GUCY1A2: variants seen among roughly 807,000 people sequenced by gnomAD.
GUCY1A2 encodes guanylate cyclase soluble subunit alpha-2.
In GUCY1A2, 27 loss-of-function variants were observed where a neutral mutation model predicts 63.5. That is an observed-to-expected ratio of 0.43 (90% confidence interval 0.31 to 0.59). The LOEUF (loss-of-function observed/expected upper bound fraction) is 0.59. GUCY1A2 is among the 20% of genes least tolerant of loss of function. The pLI is 0.11. For missense variants in GUCY1A2, 768 were observed against 913.3 expected (o/e 0.84, Z 2.05); for synonymous variants, 364 against 343.5 (o/e 1.06, Z -0.66).
rs905795918 is a variant in GUCY1A2, at chr11:107,008,080, C to T, written c.303+9673G>A. On this transcript the variant is annotated intron_variant, in intron 1 of 7. Transcript: ENST00000526355. Reference sequence around the variant, plus strand: ...GGCAGATCACCTGGGGTCAGGAGTTCGACACCAGGCCCAGCCAATATGGCG... The same window carrying T: ...GGCAGATCACCTGGGGTCAGGAGTTTGACACCAGGCCCAGCCAATATGGCG... Among the ~76,000 whole-genome samples, 96 of 146,900 alleles carry T rather than the reference C, an allele frequency of 6.5e-4. 4 individuals carry two copies. Among genetic ancestry groups the T allele is most frequent in the Non-Finnish European group, 4.0e-4 (27 of 67,988 alleles).
chr11:106,883,231 G>C lies in GUCY1A2; in HGVS notation c.1206+56229C>G, dbSNP rs115096292. On this transcript the variant is annotated intron_variant, in intron 4 of 7. Coordinates refer to ENST00000526355, the MANE Select transcript of GUCY1A2 (RefSeq NM_000855.3). Reference sequence around the variant, plus strand: ...AGCCTACATCCCAACCTGAAAACCTGATGATTTGACATTGATCTCTCATTT... The same window carrying C: ...AGCCTACATCCCAACCTGAAAACCTCATGATTTGACATTGATCTCTCATTT... Among the ~76,000 whole-genome samples the C allele has an allele frequency of 8.9e-3, 1,347 of 152,104 alleles. 18 individuals are homozygous for C. The highest frequency in any genetic ancestry group is 0.031 in the African/African-American group (1,286 of 41,492).
chr11:106,853,907 G>A (rs1859390532), intron 4 of GUCY1A2, among the ~76,000 whole-genome samples: 1 of 152,112 alleles, frequency 6.6e-6, no homozygotes, highest in Admixed American at 6.5e-5. Context: ...TTCTTTGGCT[G>A]TAATAAATGT....
At chr11:106,802,599 A>T (rs2135419742) in intron 5 of GUCY1A2, among the ~76,000 whole-genome samples, 1 of 152,220 alleles carries the variant, frequency 6.6e-6, no homozygotes, top group South Asian at 2.1e-4. Flanking sequence ...AACACCATAG[A>T]CTGGGTGGCT....
chr11:106,895,798 A>G (rs1035235188), intron 4 of GUCY1A2, among the ~76,000 whole-genome samples: 1 of 152,138 alleles, frequency 6.6e-6, no homozygotes, highest in Admixed American at 6.6e-5. Context: ...AGACATTACA[A>G]GAAAAGAAAA....
rs188490805 is a variant in GUCY1A2, at chr11:106,746,586, G to T, written c.1836+29853C>A. On this transcript the variant is annotated intron_variant, in intron 6 of 7. Transcript: ENST00000526355. ...CCCAAATCCGTTTCACTTTGATGCT[G>T]ATCTGGAACCAGCTGGATGGAAACA... is the stretch of plus-strand genomic sequence containing the variant. The T allele has an allele frequency of 1.6e-5, 26 of 1,596,594 alleles. No homozygotes were observed. In the East Asian group the frequency reaches 3.3e-4, roughly 21 times the overall value.
chr11:106,914,340 T>C (rs957498134), intron 4 of GUCY1A2, among the ~76,000 whole-genome samples: 3 of 152,140 alleles, frequency 2.0e-5, no homozygotes, highest in Non-Finnish European at 4.4e-5. Context: ...AAAGTGACCC[T>C]ACTTTATAAG....
rs895789173 is a variant in GUCY1A2, at chr11:106,919,764, G to A, written c.1206+19696C>T. ...GGTTTACATATCTGAGGAAATAAAA[G>A]GAAAATAGAGTGGCTAGAACAGTGT... On this transcript the variant is annotated intron_variant, in intron 4 of 7. Coordinates refer to ENST00000526355, the MANE Select transcript of GUCY1A2 (RefSeq NM_000855.3). Among the ~76,000 whole-genome samples the A allele has an allele frequency of 3.3e-5, 5 of 152,136 alleles. No homozygotes were observed. The South Asian group carries it at 8.3e-4, about 25-fold the overall frequency.
chr11:106,725,624 T>C (rs566005362), intron 6 of GUCY1A2, among the ~76,000 whole-genome samples: 1 of 152,200 alleles, frequency 6.6e-6, no homozygotes, highest in Non-Finnish European at 1.5e-5. Context: ...CATGGTAGAG[T>C]ATCATGTATA....
chr11:106,926,629 C>A (rs1285247242), intron 4 of GUCY1A2, among the ~76,000 whole-genome samples: 1 of 151,836 alleles, frequency 6.6e-6, no homozygotes, highest in African/African-American at 2.4e-5. Flanking sequence ...TATATTTAGA[C>A]TTAAAGAAGG....
At chr11:106,795,530 AT>A (rs1456866240) in intron 5 of GUCY1A2, among the ~76,000 whole-genome samples, 1 of 152,196 alleles carries the variant, frequency 6.6e-6, no homozygotes, top group African/African-American at 2.4e-5. Flanking sequence ...ACTCCAACAC[AT>A]GTGCACCTAT....
At chr11:106,692,947 C>T (rs747066109) in intron 7 of GUCY1A2, among the ~76,000 whole-genome samples, 21 of 152,172 alleles carry the variant, frequency 1.4e-4, no homozygotes, top group Non-Finnish European at 2.9e-4. Context: ...GTATATATAG[C>T]TCTCTGACAT....
chr11:107,012,545 T>C (rs1045265726), intron 1 of GUCY1A2, among the ~76,000 whole-genome samples: 1 of 152,130 alleles, frequency 6.6e-6, no homozygotes, highest in Admixed American at 6.6e-5. Flanking sequence ...AGATAAGAGT[T>C]AGCTTTCCCA....
At chr11:106,903,625 A>G (rs1860164293) in intron 4 of GUCY1A2, among the ~76,000 whole-genome samples, 1 of 152,176 alleles carries the variant, frequency 6.6e-6, no homozygotes, top group African/African-American at 2.4e-5. Context: ...TACTATCCGA[A>G]CAGAGAGTCA....
intron 6 of GUCY1A2, among the ~76,000 whole-genome samples, chr11:106,725,893 ACCC>A (rs1288210909): frequency 6.6e-6 from 1 of 151,094 alleles, no homozygotes; most frequent in Non-Finnish European, 1.5e-5. Context: ...CCTTTTATAT[ACCC>A]ATCCACAGAC....
intron 6 of GUCY1A2, among the ~76,000 whole-genome samples, chr11:106,737,063 T>C (rs901847703): frequency 2.0e-5 from 3 of 152,190 alleles, no homozygotes; most frequent in Non-Finnish European, 4.4e-5. Context: ...CCCATCCTAG[T>C]AGCAAATCCC....
At chr11:106,874,822 G>A (rs932904494) in intron 4 of GUCY1A2, among the ~76,000 whole-genome samples, 1 of 151,904 alleles carries the variant, frequency 6.6e-6, no homozygotes, top group Non-Finnish European at 1.5e-5. Context: ...AAAAAACTTG[G>A]TTAAAGTTTC....
chr11:106,719,154 G>A (rs1000883786), intron 6 of GUCY1A2, among the ~76,000 whole-genome samples: 2 of 151,962 alleles, frequency 1.3e-5, no homozygotes, highest in African/African-American at 4.8e-5. Flanking sequence ...TCTGTTAATT[G>A]CTAAAACTTC....
At chr11:106,996,886 C>A (rs1414209132) in intron 1 of GUCY1A2, among the ~76,000 whole-genome samples, 1 of 152,076 alleles carries the variant, frequency 6.6e-6, no homozygotes, top group Non-Finnish European at 1.5e-5. Context: ...ATCTGATGAT[C>A]CAAACGGATA....
In GUCY1A2 at chr11:106,677,696, T is replaced by C. The variant is rs1412842928; in HGVS notation, c.*9853A>G. The C allele has an allele frequency of 1.4e-5, 3 of 209,910 alleles. No homozygotes were observed. Among genetic ancestry groups the C allele is most frequent in the African/African-American group, 6.8e-5 (3 of 44,060 alleles). The allele number at this position is 209,910 out of a possible 1,614,324, so 13.0% of individuals were successfully genotyped here. A position where few individuals can be genotyped will look rare whatever the true frequency, so the allele number is the denominator to read the frequency against. ...TTTAAAAATCTATTTATCCTTACCATCTATTTTCAGCTTGCCTCTAGGTTA... is the reference window on the plus strand; with the variant it reads ...TTTAAAAATCTATTTATCCTTACCACCTATTTTCAGCTTGCCTCTAGGTTA... On this transcript the variant is annotated 3_prime_UTR_variant, in exon 8 of 8. Coordinates refer to ENST00000526355, the MANE Select transcript of GUCY1A2 (RefSeq NM_000855.3).
Sources: allele counts gnomAD v4.1 joint callset (sites outside exome capture counted in the v4.1 genomes callset), GRCh38; gene constraint gnomAD v4.1.1; transcripts MANE v1.5; gene names NCBI Gene and HGNC (gene_info 2026-07-23, HGNC 2026-07-21).